The following MORN5 variants were observed in gnomAD, a reference collection of about 807,000 sequenced individuals.
MORN5 encodes MORN repeat containing 5.
A neutral mutation model predicts 22.1 loss-of-function variants in MORN5; 21 were observed. That is an observed-to-expected ratio of 0.95 (90% confidence interval 0.67 to 1.37). MORN5 has a LOEUF of 1.37. MORN5 is among the 40% of genes most tolerant of loss of function. MORN5 has a pLI of 0.00. For synonymous variants in MORN5, 73 were observed against 74.0 expected, an observed-to-expected ratio of 0.99 and a Z score of 0.07; for missense variants, 211 against 215.1, an observed-to-expected ratio of 0.98 and a Z score of 0.12.
rs764815330 is a variant in MORN5, at chr9:122,174,480, AT to A, written c.308-14del. 6.8e-6 allele frequency: 11 copies of A among 1,613,140 alleles called. No homozygotes were observed. Among genetic ancestry groups the A allele is most frequent in the Non-Finnish European group, 9.3e-6 (11 of 1,179,542 alleles). On this transcript the variant is annotated splice_polypyrimidine_tract_variant and intron_variant, in intron 3 of 4. Transcript: ENST00000373764. The stretch of plus-strand genomic sequence containing the variant: ...GGCCTTCATGGTGAACTAATTGCCC[AT>A]TATGTTCTTTCAAGGTATGGCTCAA...
chr9:122,175,408 A>G (rs1052569070), intron 4 of MORN5: 15 of 942,274 alleles, frequency 1.6e-5, no homozygotes, highest in Non-Finnish European at 1.9e-5. Flanking sequence ...GGCTGATCAG[A>G]CTGAGAAGAA....
chr9:122,198,320 T>G (rs1202898518), intron 4 of MORN5, among the ~76,000 whole-genome samples: 1 of 152,164 alleles, frequency 6.6e-6, no homozygotes, highest in Non-Finnish European at 1.5e-5. Context: ...CCCTCTGTAT[T>G]TCAGCTCTCA....
At chr9:122,186,623 G>A (rs1445650722) in intron 4 of MORN5, among the ~76,000 whole-genome samples, 1 of 151,958 alleles carries the variant, frequency 6.6e-6, no homozygotes, top group African/African-American at 2.4e-5. Context: ...AGTTCCAAAG[G>A]CCCTGGAAAT....
chr9:122,163,406 C>T (rs1397389700), intron 1 of MORN5, among the ~76,000 whole-genome samples: 1 of 152,222 alleles, frequency 6.6e-6, no homozygotes, highest in Non-Finnish European at 1.5e-5. Flanking sequence ...CCACAGGCTT[C>T]CTACAATAGA....
At chr9:122,183,950 TG>T (rs1226880957) in intron 4 of MORN5, among the ~76,000 whole-genome samples, 1 of 152,160 alleles carries the variant, frequency 6.6e-6, no homozygotes, top group African/African-American at 2.4e-5. Context: ...CTCATTTGAA[TG>T]CACACTCCAT....
At chr9:122,164,985 T>C (rs1829253850) in intron 1 of MORN5, among the ~76,000 whole-genome samples, 1 of 152,174 alleles carries the variant, frequency 6.6e-6, no homozygotes, top group Non-Finnish European at 1.5e-5. Context: ...TTCTAGGAGC[T>C]GAGGATACCA....
intron 1 of MORN5, among the ~76,000 whole-genome samples, chr9:122,160,919 G>T (rs1215998556): frequency 1.3e-5 from 2 of 152,136 alleles, no homozygotes; most frequent in Non-Finnish European, 2.9e-5. Flanking sequence ...CGAGTACCAG[G>T]CCCTGTAATT....
chr9:122,178,428 G>T (rs1396582763), intron 4 of MORN5, among the ~76,000 whole-genome samples: 2 of 152,156 alleles, frequency 1.3e-5, no homozygotes, highest in Admixed American at 6.5e-5. Context: ...GGCAGAGGTT[G>T]TGGTGAGCCG....
At chr9:122,189,344 A>C (rs1339329457) in intron 4 of MORN5, among the ~76,000 whole-genome samples, 1 of 152,232 alleles carries the variant, frequency 6.6e-6, no homozygotes, top group Non-Finnish European at 1.5e-5. Flanking sequence ...CTGTAATCCC[A>C]GCACCTTGGG....
chr9:122,189,500 G>A (rs778150617), intron 4 of MORN5, among the ~76,000 whole-genome samples: 1 of 152,180 alleles, frequency 6.6e-6, no homozygotes, highest in Non-Finnish European at 1.5e-5. Flanking sequence ...GGAAGCTGAG[G>A]TAGGAGGATC....
chr9:122,170,116 G>A (rs1398961171), intron 3 of MORN5, among the ~76,000 whole-genome samples: 1 of 152,126 alleles, frequency 6.6e-6, no homozygotes, highest in Non-Finnish European at 1.5e-5. Flanking sequence ...TGGCCAACAT[G>A]GTGAAACCCC....
chr9:122,170,740 C>T (rs564120961), intron 3 of MORN5, among the ~76,000 whole-genome samples: 5 of 152,298 alleles, frequency 3.3e-5, no homozygotes, highest in Admixed American at 1.3e-4. Flanking sequence ...AACCGTGTCT[C>T]ATCATGGAGG....
At chr9:122,178,657 C>G (rs1829490353) in intron 4 of MORN5, among the ~76,000 whole-genome samples, 1 of 152,168 alleles carries the variant, frequency 6.6e-6, no homozygotes, top group Non-Finnish European at 1.5e-5. Flanking sequence ...ATTCCTTCTT[C>G]CATTATTCAT....
chr9:122,171,477 CT>C (rs1225802075), intron 3 of MORN5, among the ~76,000 whole-genome samples: 1 of 152,066 alleles, frequency 6.6e-6, no homozygotes. Context: ...TAGGCATTTT[CT>C]GTTTTCATTC....
intron 1 of MORN5, among the ~76,000 whole-genome samples, chr9:122,160,744 A>G (rs981552898): frequency 6.6e-6 from 1 of 152,058 alleles, no homozygotes; most frequent in African/African-American, 2.4e-5. Context: ...CCTCCCAAGT[A>G]GCTGAGACTA....
At position 122,187,727 on chromosome 9, in the gene MORN5, G is replaced by A. The variant is rs150674695; in HGVS notation, c.440-12158G>A. On this transcript the variant is annotated intron_variant, in intron 4 of 4. Coordinates refer to ENST00000373764, the MANE Select transcript of MORN5 (RefSeq NM_198469.4). Reference sequence around the variant, plus strand: ...ACAGGAAGCAGTCCAACACAATTCTGTATTCCCTACGATGTTTAATTTTAA... The same window carrying A: ...ACAGGAAGCAGTCCAACACAATTCTATATTCCCTACGATGTTTAATTTTAA... Among the ~76,000 whole-genome samples the A allele has an allele frequency of 9.0e-3, 1,373 of 152,280 alleles. 25 individuals carry two copies. Among genetic ancestry groups the A allele is most frequent in the African/African-American group, 0.032 (1,320 of 41,560 alleles).
At chr9:122,165,539 T>C (rs1227500925) in intron 1 of MORN5, among the ~76,000 whole-genome samples, 1 of 152,054 alleles carries the variant, frequency 6.6e-6, no homozygotes, top group Non-Finnish European at 1.5e-5. Flanking sequence ...CACACAGCTG[T>C]ACTGCAGCCT....
intron 3 of MORN5, among the ~76,000 whole-genome samples, chr9:122,171,141 A>G (rs2118750480): frequency 6.6e-6 from 1 of 152,300 alleles, no homozygotes; most frequent in Middle Eastern, 3.4e-3. Context: ...CAGAGCATAG[A>G]GCCAGAAATT....
intron 1 of MORN5, among the ~76,000 whole-genome samples, chr9:122,166,324 G>T (rs978119554): frequency 2.6e-5 from 4 of 151,004 alleles, no homozygotes; most frequent in African/African-American, 9.9e-5. Flanking sequence ...CCTTACTCCT[G>T]TCTCTAAATT....
Sources: gnomAD v4.1 joint callset for allele counts (sites outside exome capture counted in the v4.1 genomes callset) on GRCh38, gnomAD v4.1.1 for gene constraint, MANE v1.5 for transcripts, NCBI Gene and HGNC (gene_info 2026-07-23, HGNC 2026-07-21) for gene names.